The following ROBO2 variants were observed in gnomAD, a reference collection of about 807,000 sequenced individuals.
ROBO2 encodes roundabout guidance receptor 2.
Under a neutral mutation model 160.8 loss-of-function variants are expected in ROBO2, and 53 were observed. The observed-to-expected ratio is 0.33, with a 90% CI of 0.26 to 0.41. The LOEUF (loss-of-function observed/expected upper bound fraction) is 0.41, where lower values mean the gene tolerates loss of function less well. ROBO2 is among the 10% of genes least tolerant of loss of function. ROBO2 has a pLI of 1.00. For missense variants in ROBO2, 1,577 were observed against 1,722.4 expected (o/e 0.92, Z 1.49); for synonymous variants, 664 against 611.7 (o/e 1.09, Z -1.26).
chr3:77,313,408 A>G (rs1285670327), intron 2 of ROBO2, among the ~76,000 whole-genome samples: 1 of 152,154 alleles, frequency 6.6e-6, no homozygotes, highest in Non-Finnish European at 1.5e-5. Context: ...ATCTGAAATT[A>G]TATATTATAT....
intron 23 of ROBO2, chr3:77,632,690 A>C (rs2095190314): frequency 6.6e-7 from 1 of 1,505,678 alleles, no homozygotes; most frequent in African/African-American, 1.4e-5. Context: ...TCTTTGCATG[A>C]GAGAATCTTG....
rs1341768092 is a variant in ROBO2 at position 77,269,372 on chromosome 3, A to G, written c.388+171032A>G. 4.6e-5 allele frequency among the ~76,000 whole-genome samples: 7 copies of G among 152,202 alleles called. No homozygotes were observed. In the East Asian group the frequency reaches 1.3e-3, roughly 29 times the overall value. ...GCAGGCAGAAAGGAAATCAGCATAA[A>G]TAAACCATGCATTCCCAATTGAATC... On this transcript the variant is annotated intron_variant, in intron 2 of 25. Coordinates refer to ENST00000461745, the Ensembl canonical transcript of ROBO2.
intron 2 of ROBO2, among the ~76,000 whole-genome samples, chr3:77,415,473 A>T (rs2077140342): frequency 6.6e-6 from 1 of 152,164 alleles, no homozygotes; most frequent in Admixed American, 6.5e-5. Flanking sequence ...GCTAAATATA[A>T]TAAGGAAGTG....
chr3:77,403,620 T>A (rs201472655), intron 2 of ROBO2, among the ~76,000 whole-genome samples: 23 of 25,084 alleles, frequency 9.2e-4, no homozygotes, highest in Admixed American at 2.9e-3. Flanking sequence ...GTGTGTGTAT[T>A]TTTTTTTTTA....
chr3:77,577,030 G>T (rs2093784340), intron 14 of ROBO2, among the ~76,000 whole-genome samples: 1 of 152,090 alleles, frequency 6.6e-6, no homozygotes, highest in Non-Finnish European at 1.5e-5. Flanking sequence ...AGTTATGGTT[G>T]TTTTTAGAAA....
Position 76,387,392 on chromosome 3 carries a change from T to A in ROBO2, c.109+449790T>A, listed in dbSNP as rs1021537906. Reference sequence around the variant, plus strand: ...CTGAATCTTGAAGAATCATTTATTATTATTACTATTTATATTAAAAATCAT... The same window carrying A: ...CTGAATCTTGAAGAATCATTTATTAATATTACTATTTATATTAAAAATCAT... On this transcript the variant is annotated intron_variant, in intron 2 of 26. Transcript: ENST00000487694. Among the ~76,000 whole-genome samples the A allele has an allele frequency of 2.0e-5, 3 of 152,100 alleles. No individual in the cohort carries two copies. The South Asian group carries it at 6.2e-4, about 32-fold the overall frequency.
intron 2 of ROBO2, among the ~76,000 whole-genome samples, chr3:77,293,267 A>G (rs1414314273): frequency 6.6e-6 from 1 of 151,512 alleles, no homozygotes; most frequent in Non-Finnish European, 1.5e-5. Context: ...TATACAGGTA[A>G]GCTGAGGCTA....
chr3:77,620,329 CTAGAAG>C (rs2094875134), intron 22 of ROBO2, among the ~76,000 whole-genome samples: 1 of 152,206 alleles, frequency 6.6e-6, no homozygotes, highest in Admixed American at 6.5e-5. Flanking sequence ...GTGCCTGTCA[CTAGAAG>C]ATATTTATAA....
chr3:76,910,737 A>AG (rs2075936245), intron 2 of ROBO2, among the ~76,000 whole-genome samples: 1 of 148,412 alleles, frequency 6.7e-6, no homozygotes, highest in Non-Finnish European at 1.5e-5. Flanking sequence ...AAAAAAAAAA[A>AG]AAAAAAAGAA....
At chr3:77,146,293 G>C (rs966457606) in intron 2 of ROBO2, among the ~76,000 whole-genome samples, 1 of 152,120 alleles carries the variant, frequency 6.6e-6, no homozygotes, top group Non-Finnish European at 1.5e-5. Context: ...TGGAGAGAGG[G>C]AGGAAGGGCG....
intron 2 of ROBO2, among the ~76,000 whole-genome samples, chr3:76,345,493 A>G (rs1160936183): frequency 7.3e-6 from 1 of 137,248 alleles, no homozygotes; most frequent in Non-Finnish European, 1.6e-5. Context: ...CAAGAAAACT[A>G]TTATTCCTGG....
intron 2 of ROBO2, among the ~76,000 whole-genome samples, chr3:76,754,155 A>T (rs2060834884): frequency 6.6e-6 from 1 of 151,924 alleles, no homozygotes; most frequent in Non-Finnish European, 1.5e-5. Flanking sequence ...AATAGCTGTG[A>T]TTTCAAACAG....
chr3:76,964,816 C>A (rs1433519350), intron 2 of ROBO2, among the ~76,000 whole-genome samples: 1 of 152,136 alleles, frequency 6.6e-6, no homozygotes, highest in Non-Finnish European at 1.5e-5. Flanking sequence ...TGGTTACCAC[C>A]TAAACTCATG....
intron 2 of ROBO2, among the ~76,000 whole-genome samples, chr3:77,350,055 T>C (rs113835448): frequency 2.0e-5 from 3 of 148,856 alleles, no homozygotes; most frequent in Non-Finnish European, 4.5e-5. Context: ...GTCCCTGCGA[T>C]TGGTACATTA....
At chr3:76,324,649 A>G (rs1468416279) in intron 2 of ROBO2, among the ~76,000 whole-genome samples, 1 of 152,176 alleles carries the variant, frequency 6.6e-6, no homozygotes, top group Non-Finnish European at 1.5e-5. Flanking sequence ...GTACATGAAA[A>G]CAGAAATCTT....
chr3:77,441,241 A>G (rs2079889478), intron 2 of ROBO2, among the ~76,000 whole-genome samples: 1 of 151,826 alleles, frequency 6.6e-6, no homozygotes, highest in Admixed American at 6.6e-5. Context: ...TCCAAGAAAC[A>G]TGTTTGAAGA....
At chr3:76,327,290 T>G (rs567562409) in intron 2 of ROBO2, among the ~76,000 whole-genome samples, 1 of 152,250 alleles carries the variant, frequency 6.6e-6, no homozygotes, top group South Asian at 2.1e-4. Flanking sequence ...AATTTATTAA[T>G]AATATACCTA....
chr3:76,331,366 A>G (rs1326511621), intron 2 of ROBO2, among the ~76,000 whole-genome samples: 5 of 152,190 alleles, frequency 3.3e-5, no homozygotes, highest in Non-Finnish European at 7.3e-5. Context: ...TTTTTTATAT[A>G]TAACAATTCC....
intron 5 of ROBO2, among the ~76,000 whole-genome samples, chr3:77,516,180 G>A (rs2089997029): frequency 6.6e-6 from 1 of 151,364 alleles, no homozygotes; most frequent in Non-Finnish European, 1.5e-5. Context: ...AAGAAACGAG[G>A]AATAAAATTG....
Sources: gnomAD v4.1 joint callset for allele counts (sites outside exome capture counted in the v4.1 genomes callset) on GRCh38, gnomAD v4.1.1 for gene constraint, MANE v1.5 for transcripts, NCBI Gene and HGNC (gene_info 2026-07-23, HGNC 2026-07-21) for gene names.